The following BACH2 variants were observed in gnomAD, a reference collection of about 807,000 sequenced individuals.
The protein encoded by BACH2 is transcription regulator protein BACH2.
BACH2 carries 5 observed loss-of-function variants against 61.8 expected under a neutral mutation model. The ratio of observed to expected loss-of-function variants is 0.08; its 90% CI spans 0.04 to 0.17. The LOEUF is 0.17. BACH2 is among the 10% of genes least tolerant of loss of function. The probability of loss-of-function intolerance (pLI) is 1.00; values close to 1 mark genes in which losing one functional copy is unlikely to be tolerated. For synonymous variants in BACH2, 446 were observed against 440.1 expected (o/e 1.01, Z -0.17); for missense variants, 824 against 1,091.1 (o/e 0.76, Z 3.45).
At chr6:90,067,683 T>C (rs998047451) in intron 5 of BACH2, among the ~76,000 whole-genome samples, 2 of 152,196 alleles carry the variant, frequency 1.3e-5, no homozygotes, top group African/African-American at 4.8e-5. Context: ...ACTCATTGGT[T>C]CATTCAGTTA....
intron 6 of BACH2, among the ~76,000 whole-genome samples, chr6:89,966,133 T>C (rs1048694347): frequency 6.6e-6 from 1 of 152,206 alleles, no homozygotes; most frequent in African/African-American, 2.4e-5. Context: ...CTTATCAGCA[T>C]GGTTGATACA....
At chr6:89,945,402 A>C (rs951722364) in intron 7 of BACH2, among the ~76,000 whole-genome samples, 3 of 152,230 alleles carry the variant, frequency 2.0e-5, no homozygotes, top group African/African-American at 4.8e-5. Context: ...CATCAATGGC[A>C]AGGGTAAACC....
intron 5 of BACH2, among the ~76,000 whole-genome samples, chr6:90,012,499 G>A (rs781124417): frequency 7.9e-5 from 12 of 151,444 alleles, no homozygotes; most frequent in Admixed American, 3.9e-4. Flanking sequence ...GCATGGTAGC[G>A]TGTGCCTGTA....
At position 90,190,310 on chromosome 6, in the gene BACH2, A is replaced by C. The variant is rs199534683; in HGVS notation, c.-162+16259T>G. On this transcript the variant is annotated intron_variant, in intron 4 of 8. Coordinates refer to ENST00000257749, the MANE Select transcript of BACH2 (RefSeq NM_021813.4). ...ATTCCAAATAGGAAAGTGCTATTTT[A>C]AATGACTCTTTAAGCTACCATTACA... 2.6e-5 allele frequency among the ~76,000 whole-genome samples: 4 copies of C among 152,252 alleles called. No individual in the cohort carries two copies. In the East Asian group the frequency reaches 7.7e-4, roughly 29 times the overall value.
intron 5 of BACH2, among the ~76,000 whole-genome samples, chr6:90,012,585 C>T (rs1018882826): frequency 3.3e-5 from 5 of 150,758 alleles, no homozygotes; most frequent in African/African-American, 4.9e-5. Flanking sequence ...GCTGAGATTG[C>T]GCCACTGCAC....
chr6:90,264,782 G>A (rs1771271958), intron 2 of BACH2, among the ~76,000 whole-genome samples: 1 of 152,162 alleles, frequency 6.6e-6, no homozygotes, highest in South Asian at 2.1e-4. Context: ...GTGAGACCCT[G>A]GTTCACCTGC....
chr6:90,248,349 T>C (rs547629780), intron 3 of BACH2, among the ~76,000 whole-genome samples: 1 of 152,324 alleles, frequency 6.6e-6, no homozygotes, highest in Non-Finnish European at 1.5e-5. Flanking sequence ...CTTCCTTGAG[T>C]GTGTCCTGCT....
At chr6:90,228,594 C>A (rs553404742) in intron 3 of BACH2, among the ~76,000 whole-genome samples, 1 of 152,066 alleles carries the variant, frequency 6.6e-6, no homozygotes, top group Non-Finnish European at 1.5e-5. Flanking sequence ...ACTAAAATTA[C>A]AAAAATTAGC....
intron 4 of BACH2, among the ~76,000 whole-genome samples, chr6:90,089,576 T>C (rs1782075867): frequency 6.6e-6 from 1 of 152,168 alleles, no homozygotes; most frequent in Admixed American, 6.5e-5. Flanking sequence ...GCCTCAAATG[T>C]GTTTCGTTTT....
Position 89,951,276 on chromosome 6 carries a change from C to T in BACH2, c.830G>A (p.Ser277Asn), listed in dbSNP as rs1774091646. ...CTCATTCTCTTCACTGGGCGGCTCA[C>T]TTTTAATCTGCCCCCTGGCAAGCCC... ...KPGLARGQIK[S>N]EPPSEENEEE... Residue 277 changes from serine to asparagine, a missense_variant, in exon 7 of 9, where the codon AGT becomes AAT. Physicochemically the swap from Ser to Asn is conservative, Grantham distance 46. Transcript: ENST00000257749. The surrounding 1 kb of genome is among the most constrained non-coding windows in gnomAD (Gnocchi z 6.4). 6.2e-7 allele frequency: 1 copy of T among 1,614,216 alleles called. No individual in the cohort carries two copies. Among genetic ancestry groups the T allele is most frequent in the Non-Finnish European group, 8.5e-7 (1 of 1,180,046 alleles).
At position 90,292,774 on chromosome 6, in the gene BACH2, C is replaced by T. The variant is rs116719676; in HGVS notation, c.-446+3706G>A. The stretch of plus-strand genomic sequence containing the variant: ...GGGAGACAAGCAGCCCCCAGGCCGA[C>T]ACTAGCTCTTACATATGCTTTCATC... On this transcript the variant is annotated intron_variant, in intron 1 of 8. Coordinates refer to ENST00000257749, the MANE Select transcript of BACH2 (RefSeq NM_021813.4). Among the ~76,000 whole-genome samples, 1,262 of 152,306 alleles carry T rather than the reference C, an allele frequency of 8.3e-3. 19 individuals carry two copies. Among genetic ancestry groups the T allele is most frequent in the African/African-American group, 0.028 (1,143 of 41,550 alleles).
At position 89,930,334 on chromosome 6, in the gene BACH2, TTAA is replaced by T. The variant is rs1266205934; in HGVS notation, c.*2071_*2073del. On this transcript the variant is annotated 3_prime_UTR_variant, in exon 9 of 9. Coordinates refer to ENST00000257749, the MANE Select transcript of BACH2 (RefSeq NM_021813.4). ...GTGCTAATATTTGTACAGAAAAAAG[TTAA>T]TAATACTAAAACATATGTTACTATG... The T allele has an allele frequency of 6.8e-6, 1 of 146,390 alleles. No homozygotes were observed. Among genetic ancestry groups the T allele is most frequent in the Non-Finnish European group, 1.5e-5 (1 of 67,274 alleles). 9.1% of individuals were successfully genotyped at this position (146,390 alleles called of 1,614,324 possible).
At chr6:90,078,706 T>C (rs1781585614) in intron 5 of BACH2, among the ~76,000 whole-genome samples, 1 of 152,104 alleles carries the variant, frequency 6.6e-6, no homozygotes, top group African/African-American at 2.4e-5. Context: ...AACCACCCTC[T>C]CATTCAGGCA....
Position 90,161,478 on chromosome 6 carries a change from C to T in BACH2, c.-162+45091G>A, listed in dbSNP as rs534320978. 3.1e-4 allele frequency among the ~76,000 whole-genome samples: 47 copies of T among 152,136 alleles called. No homozygotes were observed. In the South Asian group the frequency reaches 9.6e-3, roughly 31 times the overall value. On this transcript the variant is annotated intron_variant, in intron 4 of 8. Coordinates refer to ENST00000257749, the MANE Select transcript of BACH2 (RefSeq NM_021813.4). ...TACTGATATCACTATTCATGATTTG[C>T]CCCAAATCACAGATGACTAACATCA...
chr6:90,190,977 C>A (rs533150958), intron 4 of BACH2, among the ~76,000 whole-genome samples: 49 of 152,270 alleles, frequency 3.2e-4, no homozygotes, highest in Middle Eastern at 3.4e-3. Flanking sequence ...TGAACCATCA[C>A]AAATCAGGCC....
In BACH2 at chr6:90,077,284, C is replaced by T. The variant is rs560930955; in HGVS notation, c.-13+11677G>A. The stretch of plus-strand genomic sequence containing the variant: ...GGTCTATGGCAAAGGGCAAGAGGGA[C>T]GGCGAAGATAATGGGGAATATATGA... On this transcript the variant is annotated intron_variant, in intron 5 of 8. Transcript: ENST00000257749. Among the ~76,000 whole-genome samples the T allele has an allele frequency of 1.1e-4, 16 of 152,176 alleles. No homozygotes were observed. The South Asian group carries it at 1.7e-3, about 16-fold the overall frequency.
chr6:90,179,392 G>C (rs1368245757), intron 4 of BACH2, among the ~76,000 whole-genome samples: 2 of 152,170 alleles, frequency 1.3e-5, no homozygotes, highest in African/African-American at 4.8e-5. Context: ...AAATAAATGT[G>C]TTTCAACTAC....
At chr6:90,204,107 G>C (rs925424624) in intron 4 of BACH2, among the ~76,000 whole-genome samples, 2 of 152,122 alleles carry the variant, frequency 1.3e-5, no homozygotes, top group African/African-American at 4.8e-5. Flanking sequence ...CACTTCAAAG[G>C]AATAACAAGG....
chr6:90,036,559 C>T (rs766647550), intron 5 of BACH2, among the ~76,000 whole-genome samples: 1 of 152,136 alleles, frequency 6.6e-6, no homozygotes, highest in Non-Finnish European at 1.5e-5. Flanking sequence ...CCACGATTAA[C>T]ATTTTATTAT....
Sources: allele counts gnomAD v4.1 joint callset (sites outside exome capture counted in the v4.1 genomes callset), GRCh38; gene constraint gnomAD v4.1.1; non-coding constraint Gnocchi (gnomAD v3.1); transcripts MANE v1.5; gene names NCBI Gene and HGNC (gene_info 2026-07-23, HGNC 2026-07-21).